The following MCTP1 variants were observed in gnomAD, a reference collection of about 807,000 sequenced individuals.
The protein encoded by MCTP1 is multiple C2 and transmembrane domain-containing protein 1.
Under a neutral mutation model 120.6 loss-of-function variants are expected in MCTP1, and 69 were observed. The ratio of observed to expected loss-of-function variants is 0.57; its 90% CI spans 0.47 to 0.70. The LOEUF is 0.70. Ranked by LOEUF, MCTP1 falls within the 30% of genes least tolerant of loss-of-function variation. MCTP1 has a pLI of 0.00. For synonymous variants in MCTP1, 529 were observed against 493.1 expected (o/e 1.07, Z -0.96); for missense variants, 1,203 against 1,248.8 (o/e 0.96, Z 0.55).
In MCTP1 at chr5:95,145,676, A is replaced by G. The variant is rs149785346; in HGVS notation, c.721-128192T>C. On this transcript the variant is annotated intron_variant, in intron 1 of 22. Coordinates refer to ENST00000515393, the MANE Select transcript of MCTP1 (RefSeq NM_024717.7). Reference sequence around the variant, plus strand: ...ATGGGTTTTGTTTTTTATTCTGTTTATGTGGTGAATCACATTTATTGGTTT... The same window carrying G: ...ATGGGTTTTGTTTTTTATTCTGTTTGTGTGGTGAATCACATTTATTGGTTT... Among the ~76,000 whole-genome samples, 26 of 152,222 alleles carry G rather than the reference A, an allele frequency of 1.7e-4. No individual in the cohort carries two copies. The East Asian group carries it at 4.4e-3, about 26-fold the overall frequency.
intron 1 of MCTP1, among the ~76,000 whole-genome samples, chr5:95,241,514 A>C (rs1756159377): frequency 6.6e-6 from 1 of 152,222 alleles, no homozygotes; most frequent in South Asian, 2.1e-4. Flanking sequence ...CTACACCTAG[A>C]GCCTCATCCT....
chr5:94,707,796 A>T (rs1561499364), intron 22 of MCTP1, among the ~76,000 whole-genome samples: 1 of 151,946 alleles, frequency 6.6e-6, no homozygotes, highest in Non-Finnish European at 1.5e-5. Context: ...AATGGTATTC[A>T]CTGTCTATAA....
chr5:94,835,911 G>A (rs988444179), intron 17 of MCTP1, among the ~76,000 whole-genome samples: 1 of 152,186 alleles, frequency 6.6e-6, no homozygotes, highest in Non-Finnish European at 1.5e-5. Context: ...GGCTGAGGCA[G>A]GAGAATGGTG....
chr5:94,804,899 T>C (rs752843316), intron 17 of MCTP1, among the ~76,000 whole-genome samples: 6 of 152,110 alleles, frequency 3.9e-5, no homozygotes, highest in Non-Finnish European at 8.8e-5. Flanking sequence ...TGGTGGGAAA[T>C]CCTAAGAGTT....
rs75802320 is a variant in MCTP1 at position 94,967,757 on chromosome 5, G to T, written c.839-14396C>A. Among the ~76,000 whole-genome samples the T allele has an allele frequency of 5.6e-4, 85 of 152,324 alleles. 1 individual carries two copies. Among genetic ancestry groups the T allele is most frequent in the Middle Eastern group, 3.4e-3 (1 of 294 alleles). ...AAACGTGTGGTCTTGGTCACAGGGT[G>T]ACCTGGTTTAAAAGTGGTAAATATG... On this transcript the variant is annotated intron_variant, in intron 2 of 22. Transcript: ENST00000515393.
intron 1 of MCTP1, among the ~76,000 whole-genome samples, chr5:95,254,201 G>A (rs1757654840): frequency 6.6e-6 from 1 of 152,070 alleles, no homozygotes; most frequent in South Asian, 2.1e-4. Flanking sequence ...AAGTCAGCCA[G>A]AAACAATGAT....
chr5:94,867,605 A>G (rs1457394353), intron 17 of MCTP1: 2 of 400,472 alleles, frequency 5.0e-6, no homozygotes, highest in African/African-American at 4.1e-5. Flanking sequence ...ACTCTACTTA[A>G]ACTTCAAACT....
intron 1 of MCTP1, among the ~76,000 whole-genome samples, chr5:95,225,623 T>A (rs1562255354): frequency 6.6e-6 from 1 of 152,200 alleles, no homozygotes; most frequent in Non-Finnish European, 1.5e-5. Context: ...AAGAACATTT[T>A]ACTCTTCCCC....
intron 1 of MCTP1, among the ~76,000 whole-genome samples, chr5:95,228,165 T>A (rs1393450859): frequency 6.6e-6 from 1 of 152,066 alleles, no homozygotes; most frequent in East Asian, 1.9e-4. Flanking sequence ...TTAAGAGAAT[T>A]CAAAGAGAAG....
intron 17 of MCTP1, among the ~76,000 whole-genome samples, chr5:94,815,601 C>T (rs1256401401): frequency 6.6e-6 from 1 of 152,196 alleles, no homozygotes; most frequent in Non-Finnish European, 1.5e-5. Context: ...TTTGACCACA[C>T]TCCTGTCCAG....
At chr5:94,748,732 A>G (rs1434228048) in intron 19 of MCTP1, among the ~76,000 whole-genome samples, 1 of 152,256 alleles carries the variant, frequency 6.6e-6, no homozygotes, top group Non-Finnish European at 1.5e-5. Flanking sequence ...TGATGATACT[A>G]ATAGATTCCA....
chr5:95,076,809 C>A (rs1349984641), intron 1 of MCTP1, among the ~76,000 whole-genome samples: 1 of 151,868 alleles, frequency 6.6e-6, no homozygotes, highest in South Asian at 2.1e-4. Flanking sequence ...TTTCTTTTTT[C>A]TTTTTGTTTT....
chr5:94,851,978 C>T (rs1475181684), intron 17 of MCTP1, among the ~76,000 whole-genome samples: 2 of 151,774 alleles, frequency 1.3e-5, no homozygotes, highest in Middle Eastern at 3.5e-3. Context: ...TATAATTAGG[C>T]AATGATTAAT....
chr5:95,014,144 G>A (rs1836611421), intron 2 of MCTP1, among the ~76,000 whole-genome samples: 1 of 152,046 alleles, frequency 6.6e-6, no homozygotes. Context: ...CAAACTTGTA[G>A]TCCTAGCTAC....
intron 1 of MCTP1, among the ~76,000 whole-genome samples, chr5:95,254,081 T>C (rs1757643929): frequency 6.6e-6 from 1 of 152,154 alleles, no homozygotes; most frequent in Non-Finnish European, 1.5e-5. Flanking sequence ...TCATTCATAA[T>C]GAACTAACAG....
chr5:95,095,275 G>A (rs921253628), intron 1 of MCTP1, among the ~76,000 whole-genome samples: 1 of 151,708 alleles, frequency 6.6e-6, no homozygotes, highest in African/African-American at 2.4e-5. Flanking sequence ...CACCCGCCTC[G>A]GCCTCCCAAA....
At chr5:94,928,778 G>A (rs1813799727) in intron 6 of MCTP1, among the ~76,000 whole-genome samples, 1 of 152,052 alleles carries the variant, frequency 6.6e-6, no homozygotes, top group South Asian at 2.1e-4. Context: ...TCAGAGGTAA[G>A]TTTAGATGCA....
chr5:94,759,543 A>C (rs1197488940), intron 19 of MCTP1, among the ~76,000 whole-genome samples: 1 of 152,244 alleles, frequency 6.6e-6, no homozygotes, highest in Non-Finnish European at 1.5e-5. Context: ...AAAGGGTTAC[A>C]ACATCCCTAC....
chr5:95,176,330 G>T (rs543893363), intron 1 of MCTP1, among the ~76,000 whole-genome samples: 2 of 152,178 alleles, frequency 1.3e-5, no homozygotes, highest in South Asian at 2.1e-4. Context: ...TTCGAGACTA[G>T]CCTGGCCACC....
Sources: allele counts gnomAD v4.1 joint callset (sites outside exome capture counted in the v4.1 genomes callset), GRCh38; gene constraint gnomAD v4.1.1; transcripts MANE v1.5; gene names NCBI Gene and HGNC (gene_info 2026-07-23, HGNC 2026-07-21).